The following CCSER1 variants were observed in gnomAD, a reference collection of about 807,000 sequenced individuals.
CCSER1 encodes coiled-coil serine rich protein 1.
A neutral mutation model predicts 82.0 loss-of-function variants in CCSER1; 41 were observed. The ratio of observed to expected loss-of-function variants is 0.50; its 90% CI spans 0.39 to 0.65. The LOEUF (loss-of-function observed/expected upper bound fraction) is 0.65. Among genes scored for constraint, CCSER1 ranks in the 30% least tolerant of loss-of-function variants. The pLI, the probability that CCSER1 is intolerant of heterozygous loss-of-function variation, is 0.00. For missense variants in CCSER1, 1,119 were observed against 1,064.2 expected (o/e 1.05, Z -0.72); for synonymous variants, 414 against 383.9 (o/e 1.08, Z -0.92).
intron 9 of CCSER1, among the ~76,000 whole-genome samples, chr4:91,045,961 G>T (rs1742436551): frequency 7.4e-6 from 1 of 134,556 alleles, no homozygotes; most frequent in East Asian, 2.2e-4. Context: ...AGTCAAAGGG[G>T]GTTCTCTGGC....
chr4:90,901,570 G>A (rs1724658220), intron 8 of CCSER1, among the ~76,000 whole-genome samples: 1 of 151,864 alleles, frequency 6.6e-6, no homozygotes. Context: ...TAAATTCTTG[G>A]CTGGCATGTT....
chr4:91,309,402 G>A (rs1039507490), intron 10 of CCSER1, among the ~76,000 whole-genome samples: 13 of 152,014 alleles, frequency 8.6e-5, no homozygotes, highest in Non-Finnish European at 1.8e-4. Flanking sequence ...ACATGAATGA[G>A]CTCAAGTGGG....
chr4:90,513,850 G>C (rs937534440), intron 5 of CCSER1, among the ~76,000 whole-genome samples: 6 of 152,180 alleles, frequency 3.9e-5, no homozygotes, highest in African/African-American at 1.4e-4. Flanking sequence ...CGGTTGGTGT[G>C]ATCTGATGTT....
intron 9 of CCSER1, among the ~76,000 whole-genome samples, chr4:91,045,326 GAAAT>G (rs1011750570): frequency 2.6e-5 from 4 of 152,098 alleles, no homozygotes; most frequent in South Asian, 2.1e-4. Flanking sequence ...TATACTTTAT[GAAAT>G]AAATAAAAAT....
chr4:90,818,791 C>A (rs915753940), intron 8 of CCSER1, among the ~76,000 whole-genome samples: 1 of 152,086 alleles, frequency 6.6e-6, no homozygotes, highest in African/African-American at 2.4e-5. Flanking sequence ...CAGGTGAGAA[C>A]CACTGCTACA....
At chr4:90,972,424 AATATC>A (rs1735198397) in intron 9 of CCSER1, among the ~76,000 whole-genome samples, 1 of 151,778 alleles carries the variant, frequency 6.6e-6, no homozygotes, top group African/African-American at 2.4e-5. Context: ...CACCATTTAA[AATATC>A]ATAAGAAATA....
intron 7 of CCSER1, among the ~76,000 whole-genome samples, chr4:90,765,068 C>A (rs937878213): frequency 1.3e-5 from 2 of 151,686 alleles, no homozygotes; most frequent in African/African-American, 4.8e-5. Flanking sequence ...GTCTGCAAGT[C>A]TCTGTAAAAT....
At chr4:90,714,899 A>G (rs1053337082) in intron 6 of CCSER1, among the ~76,000 whole-genome samples, 5 of 151,988 alleles carry the variant, frequency 3.3e-5, no homozygotes, top group Non-Finnish European at 7.4e-5. Flanking sequence ...TGTATTTTCT[A>G]TAGTAGATTT....
intron 1 of CCSER1, among the ~76,000 whole-genome samples, chr4:90,187,968 T>A (rs1734925565): frequency 6.6e-6 from 1 of 151,970 alleles, no homozygotes; most frequent in South Asian, 2.1e-4. Context: ...CTTTGTGCTC[T>A]TGAGACTGAA....
chr4:91,519,801 A>G (rs1371622336), intron 10 of CCSER1, among the ~76,000 whole-genome samples: 1 of 152,040 alleles, frequency 6.6e-6, no homozygotes, highest in Non-Finnish European at 1.5e-5. Context: ...TTGAGTTGTC[A>G]AGTTGTTTCC....
chr4:91,127,316 T>C (rs1036886463), intron 10 of CCSER1, among the ~76,000 whole-genome samples: 2 of 152,088 alleles, frequency 1.3e-5, no homozygotes, highest in African/African-American at 4.8e-5. Context: ...TCAGTTCTAC[T>C]ATTCAGGAGA....
At chr4:91,176,632 G>A (rs1396090199) in intron 10 of CCSER1, among the ~76,000 whole-genome samples, 1 of 152,130 alleles carries the variant, frequency 6.6e-6, no homozygotes, top group Non-Finnish European at 1.5e-5. Flanking sequence ...TCTGTTATTG[G>A]TGTATAAGAA....
intron 10 of CCSER1, among the ~76,000 whole-genome samples, chr4:91,317,150 A>G (rs751478686): frequency 7.2e-5 from 11 of 152,002 alleles, no homozygotes; most frequent in Non-Finnish European, 1.0e-4. Context: ...TATACTCCAT[A>G]AATACATATA....
chr4:91,539,516 A>T (rs1320590479), intron 10 of CCSER1, among the ~76,000 whole-genome samples: 1 of 152,066 alleles, frequency 6.6e-6, no homozygotes, highest in Non-Finnish European at 1.5e-5. Context: ...TATCTCAAAC[A>T]TCCTACATAT....
intron 1 of CCSER1, among the ~76,000 whole-genome samples, chr4:90,220,128 T>C (rs771344488): frequency 1.3e-5 from 2 of 152,140 alleles, no homozygotes; most frequent in Non-Finnish European, 2.9e-5. Context: ...TGTTATAAAA[T>C]ATTTTGTTTT....
intron 7 of CCSER1, among the ~76,000 whole-genome samples, chr4:90,761,798 CGTT>C (rs1750449180): frequency 6.6e-6 from 1 of 151,806 alleles, no homozygotes; most frequent in South Asian, 2.1e-4. Context: ...CCTTCTGGAT[CGTT>C]GTAAGAATAG....
intron 9 of CCSER1, among the ~76,000 whole-genome samples, chr4:91,005,311 C>T (rs6811194): frequency 0.025 from 3,735 of 151,968 alleles, 128 homozygotes; most frequent in African/African-American, 0.081. Context: ...GTGATTTAGC[C>T]TTCAATAAAA....
At position 90,333,861 on chromosome 4, in the gene CCSER1, G is replaced by T. The variant is rs572003502; in HGVS notation, c.1509+20814G>T. Among the ~76,000 whole-genome samples the T allele has an allele frequency of 3.3e-5, 5 of 152,272 alleles. No individual in the cohort carries two copies. The East Asian group carries it at 7.7e-4, about 23-fold the overall frequency. On this transcript the variant is annotated intron_variant, in intron 3 of 10. Transcript: ENST00000509176. ...TGGATACAAAATCGGTTCAGGTCCT[G>T]CAGGACAATTATCAATTACTAGACA...
At chr4:91,236,404 A>G (rs1172558209) in intron 10 of CCSER1, among the ~76,000 whole-genome samples, 1 of 151,726 alleles carries the variant, frequency 6.6e-6, no homozygotes, top group Non-Finnish European at 1.5e-5. Flanking sequence ...AATCGCTTGA[A>G]CCCGGGAGGT....
Sources: gnomAD v4.1 joint callset for allele counts (sites outside exome capture counted in the v4.1 genomes callset) on GRCh38, gnomAD v4.1.1 for gene constraint, MANE v1.5 for transcripts, NCBI Gene and HGNC (gene_info 2026-07-23, HGNC 2026-07-21) for gene names.